NKD1: variants seen among roughly 807,000 people sequenced by gnomAD.
The protein encoded by NKD1 is NKD inhibitor of Wnt signaling pathway 1.
In NKD1, 21 loss-of-function variants were observed where a neutral mutation model predicts 56.0. The observed-to-expected ratio is 0.38, with a 90% CI of 0.27 to 0.54. NKD1 has a LOEUF of 0.54. Ranked by LOEUF, NKD1 falls within the 20% of genes least tolerant of loss-of-function variation. The pLI is 0.82. For synonymous variants in NKD1, 263 were observed against 265.7 expected (o/e 0.99, Z 0.10); for missense variants, 578 against 642.7 (o/e 0.90, Z 1.09).
At chr16:50,584,915 G>T (rs1217916283) in intron 3 of NKD1, among the ~76,000 whole-genome samples, 1 of 152,178 alleles carries the variant, frequency 6.6e-6, no homozygotes, top group African/African-American at 2.4e-5. Flanking sequence ...AGATCGTAAT[G>T]AGGCCCAGGC....
intron 3 of NKD1, among the ~76,000 whole-genome samples, chr16:50,573,446 A>ACCTG (rs750591904): frequency 2.2e-4 from 34 of 152,174 alleles, no homozygotes; most frequent in Non-Finnish European, 4.3e-4. Context: ...CATCCCCTTG[A>ACCTG]CCTGCCCTGC....
In NKD1 at chr16:50,633,854, T is replaced by C. The variant is rs1188225488; in HGVS notation, c.*73T>C. The C allele has an allele frequency of 2.9e-5, 19 of 664,878 alleles. No individual in the cohort carries two copies. The highest frequency in any genetic ancestry group is 3.7e-5 in the Non-Finnish European group (15 of 405,088). The allele number at this position is 664,878 out of a possible 1,614,324, so 41.2% of individuals were successfully genotyped here. A position where few individuals can be genotyped will look rare whatever the true frequency, so the allele number is the denominator to read the frequency against. ...GACACCACAAGGCATTATTATTCTATTAATTATTGTTATTATGATGATTAT... is the reference window on the plus strand; with the variant it reads ...GACACCACAAGGCATTATTATTCTACTAATTATTGTTATTATGATGATTAT... On this transcript the variant is annotated 3_prime_UTR_variant, in exon 10 of 10. Coordinates refer to ENST00000268459, the MANE Select transcript of NKD1 (RefSeq NM_033119.5). This position sits in a 1 kb window ranked among gnomAD's most constrained non-coding sequence, Gnocchi z 4.9.
intron 3 of NKD1, chr16:50,551,691 T>G (rs1340370628): frequency 6.6e-6 from 1 of 151,246 alleles, no homozygotes; most frequent in East Asian, 1.9e-4. Context: ...AGGTGGAATC[T>G]GGGGGAACAT....
rs1050323354 is a variant in NKD1 at position 50,548,529 on chromosome 16, C to A, written c.-25C>A. 11 of 1,461,044 alleles carry A rather than the reference C, an allele frequency of 7.5e-6. No individual in the cohort carries two copies. Among genetic ancestry groups the A allele is most frequent in the East Asian group, 3.0e-5 (1 of 32,858 alleles). The allele number at this position is 1,461,044 out of a possible 1,614,324, so 90.5% of individuals were successfully genotyped here. ...GCGGGCCGGGCGCATGGCTTAGGGA[C>A]GCTCCCGGCCGCCGCAGCCCCAGCA... On this transcript the variant is annotated 5_prime_UTR_variant, in exon 1 of 10. Coordinates refer to ENST00000268459, the MANE Select transcript of NKD1 (RefSeq NM_033119.5).
At chr16:50,596,194 G>C (rs535192365) in intron 3 of NKD1, among the ~76,000 whole-genome samples, 1 of 152,162 alleles carries the variant, frequency 6.6e-6, no homozygotes, top group African/African-American at 2.4e-5. Context: ...GGGAGCAATG[G>C]GGTCTGGGTG....
intron 3 of NKD1, chr16:50,573,969 A>ATATG: frequency 1.0e-6 from 1 of 981,092 alleles, no homozygotes; most frequent in African/African-American, 1.7e-5. Flanking sequence ...TATATGACAT[A>ATATG]TATGTATGTA....
At chr16:50,605,560 A>G (rs1188239699) in intron 3 of NKD1, among the ~76,000 whole-genome samples, 1 of 152,210 alleles carries the variant, frequency 6.6e-6, no homozygotes, top group South Asian at 2.1e-4. Context: ...TACTGAACAC[A>G]TACAGACTTT....
chr16:50,620,876 A>G (rs1962070129), intron 4 of NKD1, among the ~76,000 whole-genome samples: 1 of 152,108 alleles, frequency 6.6e-6, no homozygotes, highest in Admixed American at 6.5e-5. Flanking sequence ...TTTGGCAGAG[A>G]GGGGAGGACC....
chr16:50,550,976 T>G (rs1262927565), intron 3 of NKD1, among the ~76,000 whole-genome samples: 1 of 152,092 alleles, frequency 6.6e-6, no homozygotes, highest in African/African-American at 2.4e-5. Flanking sequence ...CTTTTTTTTC[T>G]AAACTGCCAG....
intron 3 of NKD1, among the ~76,000 whole-genome samples, chr16:50,577,900 T>C (rs1367795523): frequency 2.0e-5 from 3 of 152,114 alleles, no homozygotes; most frequent in Non-Finnish European, 4.4e-5. Context: ...AGCAGATAGA[T>C]TTTTTCCTGT....
At chr16:50,576,119 T>C (rs1960988693) in intron 3 of NKD1, among the ~76,000 whole-genome samples, 1 of 152,244 alleles carries the variant, frequency 6.6e-6, no homozygotes, top group South Asian at 2.1e-4. Context: ...GATTGCTAGC[T>C]TCTTGGCTTA....
chr16:50,626,876 A>G (rs1338401491), intron 6 of NKD1, among the ~76,000 whole-genome samples: 1 of 152,172 alleles, frequency 6.6e-6, no homozygotes, highest in Non-Finnish European at 1.5e-5. Context: ...CTTGTCCAGC[A>G]TGTGGGGGCC....
intron 3 of NKD1, among the ~76,000 whole-genome samples, chr16:50,578,520 TTC>T (rs1361559168): frequency 6.6e-6 from 1 of 152,172 alleles, no homozygotes; most frequent in Admixed American, 6.5e-5. Context: ...CAGCTCCATG[TTC>T]CAGAAGATTC....
chr16:50,635,964 C>T lies in NKD1; in HGVS notation c.*2183C>T, dbSNP rs1962456979. On this transcript the variant is annotated 3_prime_UTR_variant, in exon 10 of 10. Transcript: ENST00000268459. The surrounding 1 kb of genome is among the most constrained non-coding windows in gnomAD (Gnocchi z 4.1). ...GTTCTTGTCCCTCCCTCTTGTCCCT[C>T]GGATTGATAACTTGTACTCAACTAC... 1 of 152,238 alleles carries T rather than the reference C, an allele frequency of 6.6e-6. No homozygotes were observed. The highest frequency in any genetic ancestry group is 1.5e-5 in the Non-Finnish European group (1 of 68,058). 9.4% of individuals were successfully genotyped at this position (152,238 alleles called of 1,614,324 possible).
At chr16:50,611,598 G>A (rs1406989081) in intron 4 of NKD1, among the ~76,000 whole-genome samples, 2 of 152,196 alleles carry the variant, frequency 1.3e-5, no homozygotes, top group African/African-American at 2.4e-5. Context: ...GCAGTGTTAA[G>A]ACTGAGGCCT....
chr16:50,552,491 G>T (rs1404352624), intron 3 of NKD1: 1 of 152,212 alleles, frequency 6.6e-6, no homozygotes, highest in Non-Finnish European at 1.5e-5. Flanking sequence ...TGAGGGGCTT[G>T]GGAAATGTCC....
chr16:50,630,791 C>T (rs1158733925), intron 7 of NKD1, 35 bp from the exon 8 acceptor site: 1 of 1,545,006 alleles, frequency 6.5e-7, no homozygotes, highest in Non-Finnish European at 8.7e-7. Flanking sequence ...AGGCAGCTCA[C>T]CTGGTGTCTC....
rs1961311293 is a variant in NKD1, at chr16:50,589,721, TCTC to T, written c.193-18572_193-18570del. 4.6e-5 allele frequency among the ~76,000 whole-genome samples: 3 copies of T among 65,806 alleles called. No individual in the cohort carries two copies. The South Asian group carries it at 2.1e-3, about 47-fold the overall frequency. The allele number at this position is 65,806 out of a possible 152,430, so 43.2% of individuals were successfully genotyped here. On this transcript the variant is annotated intron_variant, in intron 3 of 9. Transcript: ENST00000268459. Reference sequence around the variant, plus strand: ...TCTCTTCTCTTCTCTTCTCTTCTCTTCTCTTCTCTTCTCTTCTCTTCTCTTCTC... The same window carrying T: ...TCTCTTCTCTTCTCTTCTCTTCTCTTTTCTCTTCTCTTCTCTTCTCTTCTC...
At chr16:50,550,951 T>G (rs1309838414) in intron 3 of NKD1, among the ~76,000 whole-genome samples, 1 of 150,382 alleles carries the variant, frequency 6.6e-6, no homozygotes, top group African/African-American at 2.5e-5. Flanking sequence ...AGTCCCTCCT[T>G]TTTCTTTTTC....
Sources: allele counts gnomAD v4.1 joint callset (sites outside exome capture counted in the v4.1 genomes callset), GRCh38; gene constraint gnomAD v4.1.1; non-coding constraint Gnocchi (gnomAD v3.1); transcripts MANE v1.5; gene names NCBI Gene and HGNC (gene_info 2026-07-23, HGNC 2026-07-21).